Variants in ADAMTS6 observed in about 807,000 individuals in gnomAD.
ADAMTS6 encodes the protein A disintegrin and metalloproteinase with thrombospondin motifs 6.
Under a neutral mutation model 144.3 loss-of-function variants are expected in ADAMTS6, and 23 were observed. The observed-to-expected ratio is 0.16, with a 90% CI of 0.11 to 0.23. The LOEUF is 0.23. Ranked by LOEUF, ADAMTS6 falls within the 10% of genes least tolerant of loss-of-function variation. ADAMTS6 has a pLI of 1.00. For synonymous variants in ADAMTS6, 444 were observed against 457.5 expected (o/e 0.97, Z 0.38); for missense variants, 999 against 1,379.6 (o/e 0.72, Z 4.37).
intron 22 of ADAMTS6, among the ~76,000 whole-genome samples, chr5:65,180,765 A>G (rs1754299384): frequency 6.6e-6 from 1 of 152,142 alleles, no homozygotes. Flanking sequence ...AACTCTATAT[A>G]TGCTTAGTAC....
chr5:65,187,228 T>C (rs376689596), intron 22 of ADAMTS6, among the ~76,000 whole-genome samples: 124 of 152,296 alleles, frequency 8.1e-4, no homozygotes, highest in African/African-American at 2.7e-3. Context: ...GAAAATTATA[T>C]AGTATGCATA....
chr5:65,175,398 G>GAA (rs35087698), intron 22 of ADAMTS6, among the ~76,000 whole-genome samples: 341 of 149,794 alleles, frequency 2.3e-3, no homozygotes, highest in African/African-American at 6.3e-3. Flanking sequence ...AGAAGTTAAG[G>GAA]AAAAAAAAAC....
intron 22 of ADAMTS6, among the ~76,000 whole-genome samples, chr5:65,177,698 C>T (rs1195091069): frequency 6.6e-6 from 1 of 152,126 alleles, no homozygotes; most frequent in Non-Finnish European, 1.5e-5. Context: ...TTAAAACAAA[C>T]TTTGGCAATT....
chr5:65,386,062 T>C (rs539030398), intron 7 of ADAMTS6, among the ~76,000 whole-genome samples: 55 of 152,348 alleles, frequency 3.6e-4, no homozygotes, highest in Non-Finnish European at 7.2e-4. Context: ...ATATGGGCTA[T>C]GTAATTTACT....
At chr5:65,413,146 C>A (rs539539251) in intron 7 of ADAMTS6, among the ~76,000 whole-genome samples, 1 of 152,232 alleles carries the variant, frequency 6.6e-6, no homozygotes, top group East Asian at 1.9e-4. Context: ...AGCAACAGGC[C>A]TCCATATCTT....
intron 14 of ADAMTS6, among the ~76,000 whole-genome samples, chr5:65,248,751 C>T (rs1351758758): frequency 1.3e-5 from 2 of 152,068 alleles, no homozygotes; most frequent in East Asian, 3.8e-4. Flanking sequence ...CATACCACTG[C>T]ACTCCAGCCT....
intron 7 of ADAMTS6, among the ~76,000 whole-genome samples, chr5:65,360,318 T>A (rs1580487109): frequency 1.3e-5 from 2 of 152,158 alleles, no homozygotes; most frequent in East Asian, 3.9e-4. Flanking sequence ...GAGAATTGTG[T>A]TAAACCACAA....
intron 3 of ADAMTS6, among the ~76,000 whole-genome samples, chr5:65,460,927 T>C (rs1160426098): frequency 6.6e-6 from 1 of 152,208 alleles, no homozygotes; most frequent in African/African-American, 2.4e-5. Flanking sequence ...TAAGCTTCTA[T>C]TGTGACAAAT....
intron 7 of ADAMTS6, chr5:65,415,631 T>C: frequency 3.2e-6 from 1 of 307,878 alleles, no homozygotes; most frequent in South Asian, 3.0e-5. Context: ...TCACTGATTT[T>C]TTTCGGGGGC....
intron 7 of ADAMTS6, among the ~76,000 whole-genome samples, chr5:65,436,355 T>C (rs1482606461): frequency 6.6e-6 from 1 of 152,152 alleles, no homozygotes. Flanking sequence ...GCCACCGATT[T>C]ATTTCTTATC....
chr5:65,443,954 T>C (rs1213772503), intron 7 of ADAMTS6, among the ~76,000 whole-genome samples: 5 of 152,154 alleles, frequency 3.3e-5, no homozygotes, highest in African/African-American at 1.2e-4. Flanking sequence ...TTATTATACA[T>C]TGTATTAGAA....
chr5:65,411,209 C>T (rs980126343), intron 7 of ADAMTS6, among the ~76,000 whole-genome samples: 2 of 152,072 alleles, frequency 1.3e-5, no homozygotes, highest in Admixed American at 6.6e-5. Context: ...ATTTATCCAT[C>T]GGTCAACAGT....
chr5:65,453,554 A>C (rs1212480809), intron 4 of ADAMTS6, among the ~76,000 whole-genome samples: 1 of 152,216 alleles, frequency 6.6e-6, no homozygotes, highest in Admixed American at 6.5e-5. Flanking sequence ...ATTATAGTTG[A>C]AAGATCACGA....
At chr5:65,324,962 A>T (rs1010880101) in intron 9 of ADAMTS6, among the ~76,000 whole-genome samples, 1 of 152,196 alleles carries the variant, frequency 6.6e-6, no homozygotes, top group Non-Finnish European at 1.5e-5. Context: ...TATTCAGAAA[A>T]AAAGTGAACT....
chr5:65,183,275 CCA>C (rs998875839), intron 22 of ADAMTS6, among the ~76,000 whole-genome samples: 5 of 152,128 alleles, frequency 3.3e-5, no homozygotes, highest in African/African-American at 1.2e-4. Flanking sequence ...CCTTCCTTAT[CCA>C]CAGTTTCATT....
intron 3 of ADAMTS6, among the ~76,000 whole-genome samples, chr5:65,461,715 AG>A (rs1580764549): frequency 6.6e-6 from 1 of 152,214 alleles, no homozygotes; most frequent in East Asian, 1.9e-4. Context: ...CAGACAACAA[AG>A]GGAGACCTAC....
chr5:65,160,345 C>A (rs976645712), intron 24 of ADAMTS6, among the ~76,000 whole-genome samples: 1 of 148,758 alleles, frequency 6.7e-6, no homozygotes, highest in Non-Finnish European at 1.5e-5. Flanking sequence ...CTCGCTCTGT[C>A]GCCCAGGCTG....
At chr5:65,288,255 C>T (rs1741892573) in intron 11 of ADAMTS6, among the ~76,000 whole-genome samples, 1 of 151,918 alleles carries the variant, frequency 6.6e-6, no homozygotes. Context: ...AAGCTGATCA[C>T]TTCTGCAGTA....
At chr5:65,195,123 A>T (rs1755251324) in intron 21 of ADAMTS6, among the ~76,000 whole-genome samples, 1 of 152,244 alleles carries the variant, frequency 6.6e-6, no homozygotes, top group African/African-American at 2.4e-5. Flanking sequence ...TTAACGTAAT[A>T]GACTGAGACT....
Sources: gnomAD v4.1 joint callset for allele counts (sites outside exome capture counted in the v4.1 genomes callset) on GRCh38, gnomAD v4.1.1 for gene constraint, MANE v1.5 for transcripts, NCBI Gene and HGNC (gene_info 2026-07-23, HGNC 2026-07-21) for gene names.